Variants in GABRA3 observed in about 807,000 individuals in gnomAD.
GABRA3 encodes gamma-aminobutyric acid receptor subunit alpha-3.
A neutral mutation model predicts 30.1 loss-of-function variants in GABRA3; 10 were observed. The ratio of observed to expected loss-of-function variants is 0.33; its 90% CI spans 0.20 to 0.56. The LOEUF is 0.56. GABRA3 is among the 20% of genes least tolerant of loss of function. GABRA3 has a pLI of 0.89. For missense variants in GABRA3, 233 were observed against 392.0 expected, an observed-to-expected ratio of 0.59 and a Z score of 3.42; for synonymous variants, 151 against 146.8, an observed-to-expected ratio of 1.03 and a Z score of -0.21.
rs1182600304 is a variant in GABRA3 at position 152,416,578 on chromosome X, C to A, written c.-27+34568G>T. ...CCGCATCGCCAAGTCAATCCTAAGC[C>A]AAAAGAACAAAGCTGGAGGCATCAC... On this transcript the variant is annotated intron_variant, in intron 1 of 9. Coordinates refer to ENST00000370314, the MANE Select transcript of GABRA3 (RefSeq NM_000808.4). Among the ~76,000 whole-genome samples the A allele has an allele frequency of 1.0e-4, 11 of 110,223 alleles. No homozygotes were observed. In the East Asian group the frequency reaches 2.3e-3, roughly 23 times the overall value.
At chrX:152,378,539 T>C (rs1929057977) in intron 1 of GABRA3, among the ~76,000 whole-genome samples, 1 of 110,797 alleles carries the variant, frequency 9.0e-6, no homozygotes. Flanking sequence ...AAAAATGATT[T>C]TAAAGCTATC....
chrX:152,173,904 AG>A (rs1181131459), intron 9 of GABRA3, among the ~76,000 whole-genome samples: 1 of 110,250 alleles, frequency 9.1e-6, no homozygotes, highest in Non-Finnish European at 1.9e-5. Context: ...CTCGTCATTT[AG>A]CATTAGGTAT....
At chrX:152,247,015 T>C (rs1938471526) in intron 5 of GABRA3, among the ~76,000 whole-genome samples, 1 of 111,967 alleles carries the variant, frequency 8.9e-6, no homozygotes, top group Non-Finnish European at 1.9e-5. Flanking sequence ...CATTTGCATC[T>C]AAATAAGTAG....
chrX:152,260,525 T>C (rs1938711944), intron 4 of GABRA3, among the ~76,000 whole-genome samples: 1 of 111,650 alleles, frequency 9.0e-6, no homozygotes, highest in Admixed American at 9.4e-5. Context: ...CAGCTTCAGG[T>C]GGCTTAGAAC....
rs202044719 is a variant in GABRA3 at position 152,284,660 on chromosome X, G to T, written c.330+8C>A. 6.0e-6 allele frequency: 7 copies of T among 1,159,749 alleles called. No homozygotes were observed. Among genetic ancestry groups the T allele is most frequent in the South Asian group, 1.8e-5 (1 of 55,025 alleles). Reference sequence around the variant, plus strand: ...TCCTCTTTTACATTTACCTTTGCAAGAACTTACCATGTCAGTGTCTGACAC... The same window carrying T: ...TCCTCTTTTACATTTACCTTTGCAATAACTTACCATGTCAGTGTCTGACAC... On this transcript the variant is annotated splice_region_variant and intron_variant, in intron 4 of 9. Coordinates refer to ENST00000370314, the MANE Select transcript of GABRA3 (RefSeq NM_000808.4).
At chrX:152,180,718 T>G (rs1029351769) in intron 9 of GABRA3, among the ~76,000 whole-genome samples, 6 of 112,211 alleles carry the variant, frequency 5.3e-5, no homozygotes, top group African/African-American at 1.9e-4. Flanking sequence ...CCTTTGCATA[T>G]GGTGTGAGAT....
chrX:152,181,548 A>G (rs1361552822), intron 9 of GABRA3, among the ~76,000 whole-genome samples: 1 of 110,260 alleles, frequency 9.1e-6, no homozygotes, highest in African/African-American at 3.3e-5. Context: ...GGAAATCATC[A>G]TTCTCAGTAA....
In GABRA3 at chrX:152,241,241, G is replaced by C. The variant is rs1392347089; in HGVS notation, c.551+14537C>G. ...AGACAGGACCCTCAGCTGCAGGTCT[G>C]TTGGAATACCCTGCAGTGTGAGGTG... is the stretch of plus-strand genomic sequence containing the variant. On this transcript the variant is annotated intron_variant, in intron 5 of 9. Transcript: ENST00000370314. Among the ~76,000 whole-genome samples, 4 of 96,347 alleles carry C rather than the reference G, an allele frequency of 4.2e-5. No individual in the cohort carries two copies. In the Admixed American group the frequency reaches 4.5e-4, roughly 11 times the overall value. The allele number at this position is 96,347 out of a possible 115,157, so 83.7% of individuals were successfully genotyped here. A position where few individuals can be genotyped will look rare whatever the true frequency, so the allele number is the denominator to read the frequency against.
chrX:152,403,838 C>A (rs1047945645), intron 1 of GABRA3, among the ~76,000 whole-genome samples: 1 of 110,736 alleles, frequency 9.0e-6, no homozygotes, highest in African/African-American at 3.3e-5. Context: ...AAACAAAAAT[C>A]AAAGTTCAGG....
In GABRA3 at chrX:152,167,535, G is replaced by T. The variant is rs1321563490; in HGVS notation, c.*693C>A. 2 of 111,688 alleles carry T rather than the reference G, an allele frequency of 1.8e-5. No individual in the cohort carries two copies. The highest frequency in any genetic ancestry group is 3.8e-5 in the Non-Finnish European group (2 of 53,190). The allele number at this position is 111,688 out of a possible 1,213,427, so 9.2% of individuals were successfully genotyped here. On this transcript the variant is annotated 3_prime_UTR_variant, in exon 10 of 10. Coordinates refer to ENST00000370314, the MANE Select transcript of GABRA3 (RefSeq NM_000808.4). ...GAAGAAGATTTTCTGGAGGAGAGAT[G>T]TACCAAGGAGGGGACTATTTTCCCG...
intron 1 of GABRA3, among the ~76,000 whole-genome samples, chrX:152,383,765 A>C (rs1397290252): frequency 9.1e-6 from 1 of 110,083 alleles, no homozygotes; most frequent in African/African-American, 3.3e-5. Context: ...GACAGCGAAA[A>C]GTTAAAAGTT....
intron 7 of GABRA3, 57 bp from the exon 8 acceptor site, chrX:152,197,842 T>G: frequency 1.0e-6 from 1 of 971,973 alleles, no homozygotes; most frequent in Non-Finnish European, 1.4e-6. Context: ...CTAAATCAAG[T>G]TGGGCCCCAA....
rs189952072 is a variant in GABRA3 at position 152,362,622 on chromosome X, G to A, written c.140+1809C>T. 2.3e-3 allele frequency among the ~76,000 whole-genome samples: 252 copies of A among 111,729 alleles called. 2 individuals are homozygous for A. The highest frequency in any genetic ancestry group is 3.4e-3 in the Non-Finnish European group (181 of 53,138). ...TAGTTTGGATGGAAACAAGATTTTA[G>A]GAAGTAAGACAAGGTTTGCACAGTG... is the stretch of plus-strand genomic sequence containing the variant. On this transcript the variant is annotated intron_variant, in intron 2 of 9. Coordinates refer to ENST00000370314, the MANE Select transcript of GABRA3 (RefSeq NM_000808.4).
At chrX:152,200,560 C>T (rs73619378) in intron 7 of GABRA3, among the ~76,000 whole-genome samples, 7,763 of 109,257 alleles carry the variant, frequency 0.071, 333 homozygotes, top group East Asian at 0.22. Context: ...TACTTCTTTC[C>T]GTCCTTTCCC....
chrX:152,330,220 G>A (rs1940140388), intron 3 of GABRA3, among the ~76,000 whole-genome samples: 1 of 111,931 alleles, frequency 8.9e-6, no homozygotes, highest in South Asian at 3.7e-4. Context: ...AAAGGATGTG[G>A]AGAAATAGGA....
At chrX:152,338,245 T>C (rs955622585) in intron 3 of GABRA3, among the ~76,000 whole-genome samples, 4 of 112,268 alleles carry the variant, frequency 3.6e-5, no homozygotes, top group African/African-American at 1.3e-4. Context: ...TGAGATGATA[T>C]ATAACTGTAG....
intron 4 of GABRA3, among the ~76,000 whole-genome samples, chrX:152,275,741 AGAGT>A (rs1408847252): frequency 5.5e-5 from 6 of 108,921 alleles, no homozygotes; most frequent in Admixed American, 3.0e-4. Flanking sequence ...CCTGGACAAC[AGAGT>A]GAGATTCCAT....
intron 3 of GABRA3, among the ~76,000 whole-genome samples, chrX:152,317,358 A>G (rs1190414026): frequency 8.9e-6 from 1 of 111,827 alleles, no homozygotes; most frequent in African/African-American, 3.3e-5. Flanking sequence ...ATAGATAGTA[A>G]CACAATAATA....
At chrX:152,308,041 G>A (rs1183595560) in intron 3 of GABRA3, among the ~76,000 whole-genome samples, 2 of 112,646 alleles carry the variant, frequency 1.8e-5, no homozygotes, top group Admixed American at 1.9e-4. Context: ...CACCTGGATG[G>A]AACAGGGACA....
Sources: gnomAD v4.1 joint callset for allele counts (sites outside exome capture counted in the v4.1 genomes callset) on GRCh38, gnomAD v4.1.1 for gene constraint, MANE v1.5 for transcripts, NCBI Gene and HGNC (gene_info 2026-07-23, HGNC 2026-07-21) for gene names.